FNTB: variants seen among roughly 807,000 people sequenced by gnomAD.
FNTB encodes protein farnesyltransferase subunit beta.
In FNTB, 27 loss-of-function variants were observed where a neutral mutation model predicts 59.4. The observed-to-expected ratio is 0.45, with a 90% confidence interval of 0.34 to 0.63. The LOEUF (loss-of-function observed/expected upper bound fraction) is 0.63, where lower values mean the gene tolerates loss of function less well. Among genes scored for constraint, FNTB ranks in the 20% least tolerant of loss-of-function variants. FNTB has a pLI of 0.02. For missense variants in FNTB, 449 were observed against 559.6 expected (o/e 0.80, Z 1.99); for synonymous variants, 230 against 220.7 (o/e 1.04, Z -0.37).
At chr14:65,046,897 C>G (rs977469067) in intron 9 of FNTB, among the ~76,000 whole-genome samples, 2 of 151,584 alleles carry the variant, frequency 1.3e-5, no homozygotes, top group Admixed American at 1.3e-4. Flanking sequence ...ATAGGTATTT[C>G]TTGCATAAAA....
intron 4 of FNTB, among the ~76,000 whole-genome samples, chr14:65,026,121 G>A (rs931348163): frequency 1.2e-4 from 18 of 152,244 alleles, no homozygotes; most frequent in South Asian, 1.0e-3. Flanking sequence ...AGGTGAAAGC[G>A]CCCAGGAAAG....
At position 64,993,133 on chromosome 14, in the gene FNTB, A is replaced by G. The variant is rs572693383; in HGVS notation, c.144+6036A>G. On this transcript the variant is annotated intron_variant, in intron 1 of 11. Coordinates refer to ENST00000246166, the MANE Select transcript of FNTB (RefSeq NM_002028.4). Reference sequence around the variant, plus strand: ...CCGCGCCCAGCTAAAATGATCTTTAAAACGTTGGTCTACTGGCCAGGCATG... The same window carrying G: ...CCGCGCCCAGCTAAAATGATCTTTAGAACGTTGGTCTACTGGCCAGGCATG... Among the ~76,000 whole-genome samples the G allele has an allele frequency of 7.9e-5, 12 of 152,306 alleles. No homozygotes were observed. In the South Asian group the frequency reaches 2.5e-3, roughly 32 times the overall value.
At chr14:65,053,023 C>T in intron 9 of FNTB, 1 of 335,178 alleles carries the variant, frequency 3.0e-6, no homozygotes, top group Non-Finnish European at 5.4e-6. Context: ...GTGAAAGTGC[C>T]ACTTTGAATT....
At chr14:65,017,330 A>G (rs2061794919) in intron 4 of FNTB, among the ~76,000 whole-genome samples, 1 of 152,146 alleles carries the variant, frequency 6.6e-6, no homozygotes. Flanking sequence ...TCACTCTTGC[A>G]CAATGGGAAA....
At chr14:65,013,966 A>T (rs557007763) in intron 3 of FNTB, among the ~76,000 whole-genome samples, 1 of 152,338 alleles carries the variant, frequency 6.6e-6, no homozygotes, top group South Asian at 2.1e-4. Context: ...AGCGAGTAAG[A>T]TGAGGAGCTG....
intron 3 of FNTB, 74 bp from the exon 4 acceptor site, chr14:65,015,551 C>T (rs761335695): frequency 1.3e-6 from 2 of 1,523,926 alleles, no homozygotes; most frequent in Non-Finnish European, 1.8e-6. Flanking sequence ...GGGAGTGAGA[C>T]AGATACAGCC....
In FNTB at chr14:65,019,500, A is replaced by C. The variant is rs868280727; in HGVS notation, c.374+3784A>C. Among the ~76,000 whole-genome samples, 23 of 108,108 alleles carry C rather than the reference A, an allele frequency of 2.1e-4. 2 individuals are homozygous for C. The highest frequency in any genetic ancestry group is 9.2e-4 in the African/African-American group (22 of 23,924). 70.9% of individuals were successfully genotyped at this position (108,108 alleles called of 152,430 possible). Reference sequence around the variant, plus strand: ...AGACTGTTGTCTCAAAAAACAAACAAACAAAACATTTTTTTTAAGCTTACT... The same window carrying C: ...AGACTGTTGTCTCAAAAAACAAACACACAAAACATTTTTTTTAAGCTTACT... On this transcript the variant is annotated intron_variant, in intron 4 of 11. Coordinates refer to ENST00000246166, the MANE Select transcript of FNTB (RefSeq NM_002028.4).
At chr14:65,013,334 T>G (rs547825550) in intron 3 of FNTB, among the ~76,000 whole-genome samples, 1 of 151,458 alleles carries the variant, frequency 6.6e-6, no homozygotes, top group South Asian at 2.1e-4. Flanking sequence ...CCTTTTTTTT[T>G]TTTCTTCCTC....
At position 65,023,506 on chromosome 14, in the gene FNTB, T is replaced by C. The variant is rs1230116084; in HGVS notation, c.375-3947T>C. Among the ~76,000 whole-genome samples, 2 of 152,190 alleles carry C rather than the reference T, an allele frequency of 1.3e-5. No individual in the cohort carries two copies. Among genetic ancestry groups the C allele is most frequent in the Non-Finnish European group, 2.9e-5 (2 of 68,036 alleles). ...CTCTTTAATGATGGAATGATAAAAG[T>C]GGTGGTGTCCAGCAGAACTTTCTGT... On this transcript the variant is annotated intron_variant, in intron 4 of 11. Transcript: ENST00000246166. This position sits in a 1 kb window ranked among gnomAD's most constrained non-coding sequence, Gnocchi z 4.1.
rs1184200676 is a variant in FNTB at position 65,028,860 on chromosome 14, A to G, written c.605+1079A>G. ...ACATTTTCGTTCCTGTTCTGTTGCT[A>G]TTCCCCCAAAATATGCACAGTCTTG... On this transcript the variant is annotated intron_variant, in intron 6 of 11. Transcript: ENST00000246166. This position sits in a 1 kb window ranked among gnomAD's most constrained non-coding sequence, Gnocchi z 4.4. 6.6e-6 allele frequency among the ~76,000 whole-genome samples: 1 copy of G among 152,138 alleles called. No homozygotes were observed. The highest frequency in any genetic ancestry group is 6.5e-5 in the Admixed American group (1 of 15,282).
chr14:64,989,017 C>A (rs910598339), intron 1 of FNTB, among the ~76,000 whole-genome samples: 18 of 151,972 alleles, frequency 1.2e-4, no homozygotes, highest in Non-Finnish European at 2.6e-4. Context: ...TAGAGACCTA[C>A]CACATTGGTA....
At chr14:65,053,572 C>A (rs563614750) in intron 10 of FNTB, among the ~76,000 whole-genome samples, 1 of 150,264 alleles carries the variant, frequency 6.7e-6, no homozygotes, top group African/African-American at 2.5e-5. Context: ...CTGCATGCAA[C>A]CCCCTCCCCC....
At chr14:65,013,583 T>A (rs1249060820) in intron 3 of FNTB, among the ~76,000 whole-genome samples, 1 of 152,236 alleles carries the variant, frequency 6.6e-6, no homozygotes, top group African/African-American at 2.4e-5. Context: ...GGAGTCTCGC[T>A]GTATTTCCCA....
chr14:65,003,533 A>G (rs1407341896), intron 1 of FNTB: 1 of 152,198 alleles, frequency 6.6e-6, no homozygotes, highest in Admixed American at 6.5e-5. Flanking sequence ...TGTATGCTTC[A>G]TGTATACATA....
intron 11 of FNTB, among the ~76,000 whole-genome samples, chr14:65,056,452 C>G (rs2139684625): frequency 6.6e-6 from 1 of 152,286 alleles, no homozygotes; most frequent in East Asian, 1.9e-4. Context: ...TGATAGATAC[C>G]TCTGTAACTG....
At chr14:65,057,400 T>C (rs564386658) in intron 11 of FNTB, among the ~76,000 whole-genome samples, 15 of 152,206 alleles carry the variant, frequency 9.9e-5, no homozygotes, top group South Asian at 8.3e-4. Flanking sequence ...GTCTGGGAGA[T>C]AGAGTGAGAC....
intron 9 of FNTB, among the ~76,000 whole-genome samples, chr14:65,046,064 C>G (rs1048421010): frequency 6.6e-6 from 1 of 152,112 alleles, no homozygotes; most frequent in African/African-American, 2.4e-5. Context: ...GCAACCTCTG[C>G]CCCCTGGGTT....
Position 64,987,216 on chromosome 14 carries a change from C to T in FNTB, c.144+119C>T, listed in dbSNP as rs560283710. Reference sequence around the variant, plus strand: ...GAACTACGACTCCCACAGCGCACCGCGGTGCCTTTCCTCTGGGAAGCTCCG... The same window carrying T: ...GAACTACGACTCCCACAGCGCACCGTGGTGCCTTTCCTCTGGGAAGCTCCG... On this transcript the variant is annotated intron_variant, in intron 1 of 11. Coordinates refer to ENST00000246166, the MANE Select transcript of FNTB (RefSeq NM_002028.4). The T allele has an allele frequency of 5.1e-5, 63 of 1,244,452 alleles. No individual in the cohort carries two copies. The African/African-American group carries it at 8.6e-4, about 17-fold the overall frequency. 77.1% of individuals were successfully genotyped at this position (1,244,452 alleles called of 1,614,324 possible). A position where few individuals can be genotyped will look rare whatever the true frequency, so the allele number is the denominator to read the frequency against.
rs1248052322 is a variant in FNTB at position 64,990,995 on chromosome 14, C to T, written c.144+3898C>T. 6.6e-6 allele frequency among the ~76,000 whole-genome samples: 1 copy of T among 152,172 alleles called. No homozygotes were observed. Among genetic ancestry groups the T allele is most frequent in the Non-Finnish European group, 1.5e-5 (1 of 68,038 alleles). ...CAAGACATGGTTGTATTGTTAGTGCCTGCCTTCCTTATTGTGCCATCTGGA... is the reference window on the plus strand; with the variant it reads ...CAAGACATGGTTGTATTGTTAGTGCTTGCCTTCCTTATTGTGCCATCTGGA... On this transcript the variant is annotated intron_variant, in intron 1 of 11. Transcript: ENST00000246166. This position sits in a 1 kb window ranked among gnomAD's most constrained non-coding sequence, Gnocchi z 5.2.
Sources: allele counts gnomAD v4.1 joint callset (sites outside exome capture counted in the v4.1 genomes callset), GRCh38; gene constraint gnomAD v4.1.1; non-coding constraint Gnocchi (gnomAD v3.1); transcripts MANE v1.5; gene names NCBI Gene and HGNC (gene_info 2026-07-23, HGNC 2026-07-21).